Variants in SLC7A2 observed in about 807,000 individuals in gnomAD.
SLC7A2 encodes the protein solute carrier family 7 member 2.
Under a neutral mutation model 58.9 loss-of-function variants are expected in SLC7A2, and 48 were observed. That is an observed-to-expected ratio of 0.82 (90% CI 0.65 to 1.04). The LOEUF (loss-of-function observed/expected upper bound fraction) is 1.04. Among genes scored for constraint, SLC7A2 ranks in the 50% least tolerant of loss-of-function variants. The probability of loss-of-function intolerance (pLI) is 0.00; values close to 1 mark genes in which losing one functional copy is unlikely to be tolerated. For missense variants in SLC7A2, 1,029 were observed against 818.8 expected, an observed-to-expected ratio of 1.26 and a Z score of -3.13; for synonymous variants, 363 against 314.5, an observed-to-expected ratio of 1.15 and a Z score of -1.63.
intron 2 of SLC7A2, among the ~76,000 whole-genome samples, chr8:17,528,104 C>G (rs1053420151): frequency 2.0e-5 from 3 of 152,040 alleles, no homozygotes; most frequent in Non-Finnish European, 4.4e-5. Flanking sequence ...GCTTAGTGTT[C>G]TGAGGAAGTT....
intron 2 of SLC7A2, among the ~76,000 whole-genome samples, chr8:17,517,935 C>T (rs1247852479): frequency 6.6e-6 from 1 of 152,044 alleles, no homozygotes; most frequent in Non-Finnish European, 1.5e-5. Context: ...AGGTTCAAAT[C>T]CAGCTCTGTG....
chr8:17,522,643 C>T (rs1323981543), intron 2 of SLC7A2, among the ~76,000 whole-genome samples: 1 of 152,174 alleles, frequency 6.6e-6, no homozygotes, highest in Non-Finnish European at 1.5e-5. Context: ...GAAATAAAGA[C>T]TAGGTCCTGT....
At chr8:17,528,977 G>T (rs1801330389) in intron 2 of SLC7A2, among the ~76,000 whole-genome samples, 1 of 152,114 alleles carries the variant, frequency 6.6e-6, no homozygotes, top group South Asian at 2.1e-4. Context: ...AAGGGAAGAT[G>T]AGAGGGGACC....
chr8:17,543,827 T>A, intron 3 of SLC7A2, 112 bp downstream of exon 3: 1 of 968,698 alleles, frequency 1.0e-6, no homozygotes, highest in Non-Finnish European at 1.5e-6. Flanking sequence ...TGTCTGTGTG[T>A]CTCATTTTTG....
intron 4 of SLC7A2, among the ~76,000 whole-genome samples, chr8:17,546,131 T>C (rs1255547462): frequency 1.3e-5 from 2 of 152,228 alleles, no homozygotes; most frequent in Non-Finnish European, 2.9e-5. Flanking sequence ...GAAACCAGTC[T>C]AGCGTTAAAT....
intron 2 of SLC7A2, among the ~76,000 whole-genome samples, chr8:17,519,419 A>G (rs75942457): frequency 0.017 from 2,631 of 152,234 alleles, 50 homozygotes; most frequent in African/African-American, 0.053. Flanking sequence ...TAAATTGATG[A>G]TTGAATTCTT....
chr8:17,529,539 T>G (rs1343263267), intron 2 of SLC7A2, among the ~76,000 whole-genome samples: 7 of 151,568 alleles, frequency 4.6e-5, no homozygotes, highest in Non-Finnish European at 1.5e-5. Flanking sequence ...TTTGTTTTTT[T>G]TTTTTTTGAG....
chr8:17,531,935 T>TA (rs965998658), intron 2 of SLC7A2, among the ~76,000 whole-genome samples: 3 of 151,818 alleles, frequency 2.0e-5, no homozygotes, highest in African/African-American at 4.8e-5. Context: ...TCTTAGTTAA[T>TA]AAAAAAATGT....
chr8:17,543,799 G>A (rs1220689683), intron 3 of SLC7A2, 84 bp downstream of exon 3: 2 of 1,245,282 alleles, frequency 1.6e-6, no homozygotes, highest in East Asian at 4.8e-5. Flanking sequence ...AGTTGTAGGT[G>A]TTGGGTACAT....
chr8:17,558,418 A>G (rs765280994), intron 9 of SLC7A2, 21 bp downstream of exon 9: 4 of 1,497,278 alleles, frequency 2.7e-6, no homozygotes, highest in Non-Finnish European at 2.8e-6. Context: ...TGGTGGTTCT[A>G]CAGGGTGTAC....
chr8:17,560,630 C>T, intron 10 of SLC7A2, 97 bp downstream of exon 10: 1 of 1,051,226 alleles, frequency 9.5e-7, no homozygotes, highest in Non-Finnish European at 1.5e-6. Flanking sequence ...TAACATTGCC[C>T]TAGAATATAT....
In SLC7A2 at chr8:17,517,739, T is replaced by G. The variant is rs567149130; in HGVS notation, c.-23+15437T>G. ...AAGTTAAAATCTATTGGAGATGAAG[T>G]TTTACAATTCTGAAGTCTTTCAAAT... On this transcript the variant is annotated intron_variant, in intron 2 of 12. Coordinates refer to ENST00000494857, the MANE Select transcript of SLC7A2 (RefSeq NM_001370338.1). Among the ~76,000 whole-genome samples the G allele has an allele frequency of 2.0e-5, 3 of 152,250 alleles. No homozygotes were observed. The East Asian group carries it at 5.8e-4, about 29-fold the overall frequency.
At chr8:17,507,511 GC>G (rs1167674702) in intron 2 of SLC7A2, among the ~76,000 whole-genome samples, 3 of 152,108 alleles carry the variant, frequency 2.0e-5, no homozygotes, top group African/African-American at 7.2e-5. Context: ...ACTGTACCTG[GC>G]CTTTTTAAAT....
intron 1 of SLC7A2, among the ~76,000 whole-genome samples, chr8:17,499,695 A>C (rs1315493325): frequency 6.6e-6 from 1 of 151,972 alleles, no homozygotes; most frequent in Non-Finnish European, 1.5e-5. Context: ...TTTGTCATCC[A>C]AATGAATCCT....
chr8:17,548,870 C>G (rs758767606), intron 5 of SLC7A2, 27 bp downstream of exon 5: 5 of 1,434,336 alleles, frequency 3.5e-6, no homozygotes, highest in South Asian at 1.3e-5. Context: ...TTTTTTTTTT[C>G]TCCTTCTTGT....
At chr8:17,541,569 T>TA (rs1417233789) in intron 2 of SLC7A2, among the ~76,000 whole-genome samples, 7 of 152,222 alleles carry the variant, frequency 4.6e-5, no homozygotes, top group African/African-American at 1.7e-4. Flanking sequence ...TTCTTTGACT[T>TA]ACCTGCTTTC....
chr8:17,524,722 G>A (rs1017137050), intron 2 of SLC7A2, among the ~76,000 whole-genome samples: 1 of 152,066 alleles, frequency 6.6e-6, no homozygotes, highest in Non-Finnish European at 1.5e-5. Flanking sequence ...CTGCTCGGGT[G>A]ATGGGTGCAC....
intron 2 of SLC7A2, among the ~76,000 whole-genome samples, chr8:17,523,484 A>G (rs1018037954): frequency 3.3e-5 from 5 of 152,208 alleles, no homozygotes; most frequent in African/African-American, 1.2e-4. Flanking sequence ...ACTAATCTTC[A>G]ACAAAGCAAA....
At chr8:17,543,207 C>A in intron 2 of SLC7A2, 111 bp from the exon 3 acceptor site, 1 of 982,094 alleles carries the variant, frequency 1.0e-6, no homozygotes, top group Non-Finnish European at 1.5e-6. Context: ...CACACACACA[C>A]ACACACACAA....
Sources: gnomAD v4.1 joint callset for allele counts (sites outside exome capture counted in the v4.1 genomes callset) on GRCh38, gnomAD v4.1.1 for gene constraint, MANE v1.5 for transcripts, NCBI Gene and HGNC (gene_info 2026-07-23, HGNC 2026-07-21) for gene names.